TYK2: variants seen among roughly 807,000 people sequenced by gnomAD.
TYK2 encodes the protein tyrosine kinase 2.
A neutral mutation model predicts 130.9 loss-of-function variants in TYK2; 65 were observed. The observed-to-expected ratio is 0.50, with a 90% CI of 0.41 to 0.61. TYK2 has a LOEUF of 0.61. Among genes scored for constraint, TYK2 ranks in the 20% least tolerant of loss-of-function variants. TYK2 has a pLI of 0.00. For missense variants in TYK2, 1,378 were observed against 1,610.7 expected, an observed-to-expected ratio of 0.86 and a Z score of 2.47; for synonymous variants, 647 against 658.9, an observed-to-expected ratio of 0.98 and a Z score of 0.28.
rs2041547779 is a variant in TYK2 at position 10,364,347 on chromosome 19, C to T, written c.1367+267G>A. Among the ~76,000 whole-genome samples, 1 of 152,004 alleles carries T rather than the reference C, an allele frequency of 6.6e-6. No individual in the cohort carries two copies. The highest frequency in any genetic ancestry group is 6.6e-5 in the Admixed American group (1 of 15,246). ...CCAATCTGATGAAACCCCATCTCTA[C>T]AAAAATACAAAAATTAGCCTGGCAT... On this transcript the variant is annotated intron_variant, in intron 9 of 24. Transcript: ENST00000525621. This position sits in a 1 kb window ranked among gnomAD's most constrained non-coding sequence, Gnocchi z 4.9.
At chr19:10,374,126 C>T (rs966577207) in intron 3 of TYK2, among the ~76,000 whole-genome samples, 3 of 151,960 alleles carry the variant, frequency 2.0e-5, no homozygotes, top group Non-Finnish European at 4.4e-5. Context: ...ATTAGCCAGG[C>T]GTGGTGGTGG....
chr19:10,365,475 G>C, intron 7 of TYK2, 42 bp downstream of exon 7: 1 of 1,610,512 alleles, frequency 6.2e-7, no homozygotes, highest in Non-Finnish European at 8.5e-7. Flanking sequence ...ACCCACCCCA[G>C]CCCAACCTGA....
At chr19:10,371,577 G>A (rs12981942) in intron 3 of TYK2, among the ~76,000 whole-genome samples, 8,760 of 152,012 alleles carry the variant, frequency 0.058, 285 homozygotes, top group Non-Finnish European at 0.072. Context: ...TGGAGGTTGC[G>A]GTGAGCTGAG....
chr19:10,361,903 C>A lies in TYK2; in HGVS notation c.1826G>T (p.Arg609Leu), dbSNP rs748626480. ...TRTNVYEGRL[R>L]VEGSGDPEEG... ...CTCAGGGTCCCCGCTGCCCTCCACT[C>A]GCAGGCGGCCCTCATACACGTTGGT... is the stretch of plus-strand genomic sequence containing the variant. The change falls in exon 13 of 25, where the codon CGA becomes CTA. Residue 609 changes from arginine to leucine, a missense_variant. Physicochemically the swap from Arg to Leu is moderately radical, Grantham distance 102 (BLOSUM62 -2). Coordinates refer to ENST00000525621, the MANE Select transcript of TYK2 (RefSeq NM_003331.5). The surrounding 1 kb of genome is among the most constrained non-coding windows in gnomAD (Gnocchi z 4.0). 1 of 1,614,080 alleles carries A rather than the reference C, an allele frequency of 6.2e-7. No individual in the cohort carries two copies. Among genetic ancestry groups the A allele is most frequent in the Middle Eastern group, 1.7e-4 (1 of 6,060 alleles).
intron 23 of TYK2, chr19:10,351,530 T>G (rs1441232954): frequency 3.1e-6 from 1 of 323,740 alleles, no homozygotes; most frequent in African/African-American, 2.2e-5. Context: ...TGAAATCGAC[T>G]GCATGGGTTC....
chr19:10,362,925 G>A (rs1010321234), intron 9 of TYK2, among the ~76,000 whole-genome samples: 1 of 152,124 alleles, frequency 6.6e-6, no homozygotes, highest in African/African-American at 2.4e-5. Context: ...GGAATGCAAT[G>A]GCGTGATCTC....
chr19:10,365,599 C>T lies in TYK2; in HGVS notation c.929G>A (p.Gly310Glu). Residue 310 changes from glycine to glutamate, a missense_variant, in exon 7 of 25, where the codon GGG (glycine) becomes GAG (glutamate). Gly to Glu is a moderately conservative substitution (Grantham distance 98). Transcript: ENST00000525621. ...PTDPGPESAA[G>E]PPTHEVLVTG... is the part of the protein sequence containing the mutation. Reference sequence around the variant, plus strand: ...CACCAGCACCTCGTGGGTTGGGGGCCCAGCAGCAGACTCAGGGCCAGGGTC... The same window carrying T: ...CACCAGCACCTCGTGGGTTGGGGGCTCAGCAGCAGACTCAGGGCCAGGGTC... The T allele has an allele frequency of 6.2e-7, 1 of 1,614,078 alleles. No individual in the cohort carries two copies. Among genetic ancestry groups the T allele is most frequent in the Non-Finnish European group, 8.5e-7 (1 of 1,180,010 alleles).
intron 23 of TYK2, among the ~76,000 whole-genome samples, chr19:10,352,178 T>C (rs1378593545): frequency 2.7e-5 from 4 of 149,094 alleles, no homozygotes; most frequent in Non-Finnish European, 5.9e-5. Context: ...TTCATGCCAT[T>C]CTCCTGCCTC....
chr19:10,377,560 ATGGAT>A (rs1568346479), intron 3 of TYK2, among the ~76,000 whole-genome samples: 10 of 72,326 alleles, frequency 1.4e-4, no homozygotes, highest in East Asian at 4.5e-4. Context: ...GGGTGGGTGG[ATGGAT>A]GGGTGGGTGG....
chr19:10,355,758 CTG>C (rs1232995206), intron 18 of TYK2, among the ~76,000 whole-genome samples: 2 of 147,264 alleles, frequency 1.4e-5, no homozygotes, highest in African/African-American at 5.0e-5. Context: ...GGTCAAGAGA[CTG>C]AGACCATCCT....
rs1304074305 is a variant in TYK2, at chr19:10,362,461, C to T, written c.1477-5G>A. 2.5e-6 allele frequency: 4 copies of T among 1,592,214 alleles called. No homozygotes were observed. Among genetic ancestry groups the T allele is most frequent in the Admixed American group, 1.8e-5 (1 of 56,654 alleles). On this transcript the variant is annotated splice_polypyrimidine_tract_variant and splice_region_variant and intron_variant, in intron 10 of 24. Coordinates refer to ENST00000525621, the MANE Select transcript of TYK2 (RefSeq NM_003331.5). Reference sequence around the variant, plus strand: ...GCTCTGCATGCCGTCTGGTGCCTGGCAGGAGGTGGCAGAGGTGGGAGCAGT... The same window carrying T: ...GCTCTGCATGCCGTCTGGTGCCTGGTAGGAGGTGGCAGAGGTGGGAGCAGT...
Position 10,365,792 on chromosome 19 carries a change from G to C in TYK2, c.736C>G (p.Gln246Glu). 1.2e-6 allele frequency: 2 copies of C among 1,612,304 alleles called. No homozygotes were observed. ...ATCTGCTGGGAGAGTCGGCCCGGCT[G>C]GAAGTCCCGCAGGAACCTGCGGAAG... ...NVFRRFLRDFQPGRLSQQMVM... is the reference protein window; with the variant it reads ...NVFRRFLRDFEPGRLSQQMVM... Residue 246 changes from glutamine (Q) to glutamate (E), a missense_variant, in exon 7 of 25, where the codon CAG (glutamine) becomes GAG (glutamate). Gln to Glu is a conservative substitution (Grantham distance 29). Coordinates refer to ENST00000525621, the MANE Select transcript of TYK2 (RefSeq NM_003331.5).
At position 10,354,526 on chromosome 19, in the gene TYK2, G is replaced by C; in HGVS notation, c.2701C>G (p.Arg901Gly). 1 of 1,614,004 alleles carries C rather than the reference G, an allele frequency of 6.2e-7. No homozygotes were observed. Among genetic ancestry groups the C allele is most frequent in the Non-Finnish European group, 8.5e-7 (1 of 1,180,004 alleles). ...CCGTCCCTCACCTCGCCCAGATCTC[G>C]GATCTTTTTCAAATAGCGCTTGTGG... is the stretch of plus-strand genomic sequence containing the variant. Reference protein sequence around the residue: ...VFHKRYLKKIRDLGEGHFGKV... With the variant: ...VFHKRYLKKIGDLGEGHFGKV... The change falls in exon 19 of 25, where the codon CGA becomes GGA. Residue 901 changes from arginine (R) to glycine (G), a missense_variant. Coordinates refer to ENST00000525621, the MANE Select transcript of TYK2 (RefSeq NM_003331.5).
intron 5 of TYK2, among the ~76,000 whole-genome samples, chr19:10,367,286 C>T (rs769779371): frequency 6.6e-6 from 1 of 151,998 alleles, no homozygotes; most frequent in African/African-American, 2.4e-5. Flanking sequence ...CAATCTTGTG[C>T]CTGTGGCAGA....
At position 10,361,054 on chromosome 19, in the gene TYK2, T is replaced by A. The variant is rs1411769584; in HGVS notation, c.2047+457A>T. The A allele has an allele frequency of 2.0e-5, 9 of 456,616 alleles. No homozygotes were observed. In the East Asian group the frequency reaches 6.1e-4, roughly 31 times the overall value. 28.3% of individuals were successfully genotyped at this position (456,616 alleles called of 1,614,324 possible). A position where few individuals can be genotyped will look rare whatever the true frequency, so the allele number is the denominator to read the frequency against. ...GGTGTGAGCCACCACACCTAGCCTATACAAGGAGTTTTGAGCTACCTGCAG... is the reference window on the plus strand; with the variant it reads ...GGTGTGAGCCACCACACCTAGCCTAAACAAGGAGTTTTGAGCTACCTGCAG... On this transcript the variant is annotated intron_variant, in intron 14 of 24. Transcript: ENST00000525621. The surrounding 1 kb of genome is among the most constrained non-coding windows in gnomAD (Gnocchi z 4.0).
At chr19:10,357,464 T>G in intron 17 of TYK2, 1 of 701,890 alleles carries the variant, frequency 1.4e-6, no homozygotes, top group South Asian at 1.5e-5. Flanking sequence ...AGGCGCATCC[T>G]CAGCCCTTCT....
At position 10,361,890 on chromosome 19, in the gene TYK2, G is replaced by A. The variant is rs748006603; in HGVS notation, c.1839C>T (p.Ser613=). ...CCATCTTGCCCTCCTCAGGGTCCCC[G>A]CTGCCCTCCACTCGCAGGCGGCCCT... is the stretch of plus-strand genomic sequence containing the variant. ...VYEGRLRVEG[S]GDPEEGKMDD... is the part of the protein sequence containing the mutation. Residue 613 remains serine (S), a synonymous_variant, in exon 13 of 25, where the codon AGC becomes AGT. Transcript: ENST00000525621. This position sits in a 1 kb window ranked among gnomAD's most constrained non-coding sequence, Gnocchi z 4.0. The A allele has an allele frequency of 3.9e-5, 63 of 1,613,882 alleles. No homozygotes were observed. The highest frequency in any genetic ancestry group is 2.2e-4 in the Admixed American group (13 of 59,988).
At chr19:10,354,422 T>G in intron 19 of TYK2, 90 bp downstream of exon 19, 1 of 1,434,312 alleles carries the variant, frequency 7.0e-7, no homozygotes. Flanking sequence ...CCACATCTCC[T>G]GAGAATCACC....
rs369251832 is a variant in TYK2, at chr19:10,364,965, C to T, written c.1095G>A (p.Pro365=). ...ACAGTGGCTCCCGCGGCCTGTCTGCCGGCTGGCCGACTGCCTTGTGAGCCT... is the reference window on the plus strand; with the variant it reads ...ACAGTGGCTCCCGCGGCCTGTCTGCTGGCTGGCCGACTGCCTTGTGAGCCT... ...KAKAHKAVGQ[P]ADRPREPLWA... is the part of the protein sequence containing the mutation. The change falls in exon 8 of 25, where the codon CCG becomes CCA. Residue 365 remains proline (P), a synonymous_variant. Transcript: ENST00000525621. The surrounding 1 kb of genome is among the most constrained non-coding windows in gnomAD (Gnocchi z 4.9). 6.9e-5 allele frequency: 112 copies of T among 1,613,972 alleles called. 1 individual carries two copies. The highest frequency in any genetic ancestry group is 8.6e-5 in the Non-Finnish European group (101 of 1,180,040).
Sources: allele counts gnomAD v4.1 joint callset (sites outside exome capture counted in the v4.1 genomes callset), GRCh38; gene constraint gnomAD v4.1.1; non-coding constraint Gnocchi (gnomAD v3.1); transcripts MANE v1.5; gene names NCBI Gene and HGNC (gene_info 2026-07-23, HGNC 2026-07-21).